APBB2: variants seen among roughly 807,000 people sequenced by gnomAD.
APBB2 encodes amyloid beta precursor protein binding family B member 2, also known as Fe65-like 1.
In APBB2, 38 loss-of-function variants were observed where a neutral mutation model predicts 82.5. The ratio of observed to expected loss-of-function variants is 0.46; its 90% CI spans 0.36 to 0.60. The LOEUF is 0.60. Among genes scored for constraint, APBB2 ranks in the 20% least tolerant of loss-of-function variants. The pLI, the probability that APBB2 is intolerant of heterozygous loss-of-function variation, is 0.00. For synonymous variants in APBB2, 341 were observed against 368.2 expected, an observed-to-expected ratio of 0.93 and a Z score of 0.85; for missense variants, 772 against 972.3, an observed-to-expected ratio of 0.79 and a Z score of 2.74.
chr4:40,827,938 C>T (rs1482618002), intron 13 of APBB2, among the ~76,000 whole-genome samples: 106 of 152,036 alleles, frequency 7.0e-4, no homozygotes, highest in Admixed American at 6.9e-3. Flanking sequence ...GCAGTTTTCC[C>T]CCATACTGTT....
At chr4:41,173,738 G>A (rs907485426) in intron 1 of APBB2, among the ~76,000 whole-genome samples, 1 of 152,054 alleles carries the variant, frequency 6.6e-6, no homozygotes, top group East Asian at 1.9e-4. Context: ...TAACCTAGGA[G>A]CAATAGGCCA....
intron 1 of APBB2, among the ~76,000 whole-genome samples, chr4:41,155,418 A>G (rs902278012): frequency 1.3e-5 from 2 of 152,232 alleles, no homozygotes; most frequent in African/African-American, 4.8e-5. Flanking sequence ...GTCAGGGCAC[A>G]AGATTATGCG....
rs1340724763 is a variant in APBB2 at position 40,813,234 on chromosome 4, A to G, written c.*2858T>C. 1 of 152,262 alleles carries G rather than the reference A, an allele frequency of 6.6e-6. No homozygotes were observed. Among genetic ancestry groups the G allele is most frequent in the Non-Finnish European group, 1.5e-5 (1 of 68,050 alleles). 9.4% of individuals were successfully genotyped at this position (152,262 alleles called of 1,614,324 possible). A position where few individuals can be genotyped will look rare whatever the true frequency, so the allele number is the denominator to read the frequency against. ...TACTTAGATCTGGATACACTGGGAG[A>G]TAATATCCAGGAAAGATAATACATT... On this transcript the variant is annotated 3_prime_UTR_variant, in exon 18 of 18. Coordinates refer to ENST00000508593, the MANE Select transcript of APBB2 (RefSeq NM_004307.2).
chr4:40,986,282 T>C (rs909114829), intron 6 of APBB2, among the ~76,000 whole-genome samples: 4 of 152,212 alleles, frequency 2.6e-5, no homozygotes, highest in Non-Finnish European at 4.4e-5. Context: ...CGCTCTCTGG[T>C]TGTCACCATG....
At chr4:40,970,298 C>T (rs991503489) in intron 6 of APBB2, among the ~76,000 whole-genome samples, 1 of 152,152 alleles carries the variant, frequency 6.6e-6, no homozygotes, top group Non-Finnish European at 1.5e-5. Context: ...GAGAACTTGA[C>T]TTAAACGTTT....
At position 40,888,043 on chromosome 4, in the gene APBB2, C is replaced by T. The variant is rs528534844; in HGVS notation, c.1529+2321G>A. Among the ~76,000 whole-genome samples the T allele has an allele frequency of 7.2e-5, 11 of 152,304 alleles. No individual in the cohort carries two copies. In the East Asian group the frequency reaches 2.1e-3, roughly 29 times the overall value. ...ATCAAGCGTACTTCAAGTCTCCCTG[C>T]GGTCTGACTCCTCTCCGACCTCCAC... On this transcript the variant is annotated intron_variant, in intron 12 of 17. Coordinates refer to ENST00000508593, the MANE Select transcript of APBB2 (RefSeq NM_004307.2).
intron 6 of APBB2, among the ~76,000 whole-genome samples, chr4:40,955,892 C>T (rs1375582923): frequency 6.6e-6 from 1 of 152,150 alleles, no homozygotes; most frequent in Non-Finnish European, 1.5e-5. Context: ...TCTCCTGCCT[C>T]AGCCTCTCGA....
At chr4:41,011,879 T>C (rs1204647574) in intron 6 of APBB2, among the ~76,000 whole-genome samples, 1 of 152,208 alleles carries the variant, frequency 6.6e-6, no homozygotes, top group African/African-American at 2.4e-5. Context: ...TTTATGTTTT[T>C]TGAAACAGAG....
At chr4:40,919,026 T>C (rs1157945649) in intron 10 of APBB2, among the ~76,000 whole-genome samples, 1 of 152,180 alleles carries the variant, frequency 6.6e-6, no homozygotes, top group African/African-American at 2.4e-5. Context: ...AGCAGGCCTC[T>C]GGAGGTTGAG....
At chr4:41,098,489 A>G (rs749584103) in intron 3 of APBB2, among the ~76,000 whole-genome samples, 23 of 152,162 alleles carry the variant, frequency 1.5e-4, no homozygotes, top group Non-Finnish European at 2.5e-4. Context: ...TGGCCTTAAC[A>G]TCAAGTTTAG....
In APBB2 at chr4:41,093,162, T is replaced by C. The variant is rs144999249; in HGVS notation, c.-149+7477A>G. Among the ~76,000 whole-genome samples, 1,138 of 152,274 alleles carry C rather than the reference T, an allele frequency of 7.5e-3. 7 individuals are homozygous for C. The highest frequency in any genetic ancestry group is 0.017 in the Middle Eastern group (5 of 294). ...AGAGTTTTTCAAAGCCCAGATGAAA[T>C]GTTGATCTCAAGTAATAATTTCCAT... On this transcript the variant is annotated intron_variant, in intron 3 of 17. Transcript: ENST00000508593.
intron 10 of APBB2, among the ~76,000 whole-genome samples, chr4:40,926,814 T>A (rs1369759142): frequency 6.6e-6 from 1 of 152,262 alleles, no homozygotes; most frequent in East Asian, 1.9e-4. Context: ...CCCTGTTCCA[T>A]TAGTTACTAG....
chr4:41,191,096 A>G (rs11932112), intron 1 of APBB2, among the ~76,000 whole-genome samples: 14 of 151,954 alleles, frequency 9.2e-5, no homozygotes, highest in African/African-American at 3.4e-4. Flanking sequence ...AAACATCTCA[A>G]TGACAGCAGC....
intron 12 of APBB2, among the ~76,000 whole-genome samples, chr4:40,831,313 C>T (rs571011379): frequency 2.5e-4 from 38 of 151,862 alleles, no homozygotes; most frequent in African/African-American, 7.7e-4. Flanking sequence ...GCAGGAGAAT[C>T]GCCTGAACAG....
intron 2 of APBB2, among the ~76,000 whole-genome samples, chr4:41,124,963 T>G (rs989267194): frequency 6.6e-6 from 1 of 152,210 alleles, no homozygotes; most frequent in Admixed American, 6.5e-5. Flanking sequence ...AAGGGTGGCT[T>G]CCCAAGCTTT....
At chr4:41,130,327 C>T (rs1224090488) in intron 2 of APBB2, among the ~76,000 whole-genome samples, 2 of 152,174 alleles carry the variant, frequency 1.3e-5, no homozygotes, top group Admixed American at 1.3e-4. Context: ...TTCCAAGGTC[C>T]ATTCCACCAG....
At chr4:41,079,730 G>T (rs915191627) in intron 3 of APBB2, among the ~76,000 whole-genome samples, 2 of 152,104 alleles carry the variant, frequency 1.3e-5, no homozygotes, top group African/African-American at 4.8e-5. Flanking sequence ...TGTATTCTTA[G>T]TAGAGACGGG....
intron 1 of APBB2, among the ~76,000 whole-genome samples, chr4:41,161,519 T>C (rs373464027): frequency 9.9e-5 from 15 of 152,144 alleles, no homozygotes; most frequent in African/African-American, 3.1e-4. Flanking sequence ...GGTGGGAGGA[T>C]TGTTTGAGCT....
chr4:40,825,076 T>C lies in APBB2; in HGVS notation c.1816+811A>G, dbSNP rs76750120. 4.9e-4 allele frequency among the ~76,000 whole-genome samples: 74 copies of C among 152,360 alleles called. 1 individual carries two copies. In the East Asian group the frequency reaches 0.014, roughly 28 times the overall value. On this transcript the variant is annotated intron_variant, in intron 15 of 17. Transcript: ENST00000508593. ...TTTTTATTGCCAAATAAAATTCCAC[T>C]GTATGGAAGTATCACATCTTATTTA...
Sources: gnomAD v4.1 joint callset for allele counts (sites outside exome capture counted in the v4.1 genomes callset) on GRCh38, gnomAD v4.1.1 for gene constraint, MANE v1.5 for transcripts, NCBI Gene and HGNC (gene_info 2026-07-23, HGNC 2026-07-21) for gene names.